Variants in L3MBTL4 observed in about 807,000 individuals in gnomAD.
The protein encoded by L3MBTL4 is lethal(3)malignant brain tumor-like protein 4.
A neutral mutation model predicts 84.5 loss-of-function variants in L3MBTL4; 70 were observed. The ratio of observed to expected loss-of-function variants is 0.83; its 90% CI spans 0.68 to 1.01. The LOEUF is 1.01. L3MBTL4 is among the 50% of genes least tolerant of loss of function. The pLI is 0.00. For missense variants in L3MBTL4, 715 were observed against 754.8 expected (o/e 0.95, Z 0.62); for synonymous variants, 274 against 259.8 (o/e 1.05, Z -0.52).
intron 13 of L3MBTL4, among the ~76,000 whole-genome samples, chr18:6,170,037 C>A (rs1034901685): frequency 6.6e-6 from 1 of 152,046 alleles, no homozygotes; most frequent in African/African-American, 2.4e-5. Context: ...TGAATTCTAT[C>A]CATTCATTTA....
At chr18:6,196,405 C>T (rs569572520) in intron 12 of L3MBTL4, among the ~76,000 whole-genome samples, 38 of 152,234 alleles carry the variant, frequency 2.5e-4, no homozygotes, top group African/African-American at 8.4e-4. Flanking sequence ...GATCTGCCCA[C>T]CCTGGCCTCC....
chr18:6,281,889 G>C (rs2049336552), intron 4 of L3MBTL4, among the ~76,000 whole-genome samples: 1 of 152,180 alleles, frequency 6.6e-6, no homozygotes, highest in African/African-American at 2.4e-5. Context: ...ACTGGCTTTA[G>C]ATAACTTGAT....
chr18:6,016,816 C>T (rs546688339), intron 16 of L3MBTL4, among the ~76,000 whole-genome samples: 2 of 152,254 alleles, frequency 1.3e-5, no homozygotes, highest in South Asian at 2.1e-4. Context: ...GATAGCTGAA[C>T]GGAGACCTGA....
intron 16 of L3MBTL4, among the ~76,000 whole-genome samples, chr18:6,026,220 A>C (rs1277989978): frequency 1.3e-5 from 2 of 152,240 alleles, no homozygotes; most frequent in South Asian, 2.1e-4. Flanking sequence ...GGTGTCCTAG[A>C]TTAGAAGAAA....
chr18:6,333,552 C>A (rs530030281), intron 1 of L3MBTL4, among the ~76,000 whole-genome samples: 2 of 140,330 alleles, frequency 1.4e-5, no homozygotes, highest in African/African-American at 5.4e-5. Flanking sequence ...TCCAGCCTGG[C>A]GACAAAGTGA....
chr18:6,269,188 C>T (rs924094918), intron 4 of L3MBTL4, among the ~76,000 whole-genome samples: 3 of 152,148 alleles, frequency 2.0e-5, no homozygotes, highest in African/African-American at 4.8e-5. Context: ...AGTTGCCAGG[C>T]GCGGTGGCTC....
intron 1 of L3MBTL4, among the ~76,000 whole-genome samples, chr18:6,354,072 C>T (rs2053324599): frequency 6.6e-6 from 1 of 152,054 alleles, no homozygotes; most frequent in Admixed American, 6.6e-5. Context: ...AAGGGACTGG[C>T]TCTGAAAAAG....
At chr18:6,299,052 T>C (rs960484702) in intron 4 of L3MBTL4, among the ~76,000 whole-genome samples, 13 of 152,202 alleles carry the variant, frequency 8.5e-5, no homozygotes, top group African/African-American at 3.1e-4. Context: ...TAAAGGCATA[T>C]AGGTCTGGGA....
At chr18:5,976,060 T>C (rs1453363254) in intron 16 of L3MBTL4, among the ~76,000 whole-genome samples, 2 of 152,118 alleles carry the variant, frequency 1.3e-5, no homozygotes, top group Non-Finnish European at 2.9e-5. Flanking sequence ...TCGAGAGGGT[T>C]AGAAGTTGAA....
chr18:6,258,467 T>C (rs2048253571), intron 5 of L3MBTL4, among the ~76,000 whole-genome samples: 1 of 152,128 alleles, frequency 6.6e-6, no homozygotes, highest in African/African-American at 2.4e-5. Context: ...CTGAAGATCC[T>C]GGCAAGAGAA....
intron 3 of L3MBTL4, among the ~76,000 whole-genome samples, chr18:6,303,127 T>G (rs1040017432): frequency 6.6e-6 from 1 of 151,950 alleles, no homozygotes; most frequent in African/African-American, 2.4e-5. Context: ...TTTTTTGGGG[T>G]TTTTTTGTCT....
chr18:6,193,121 A>G (rs1378617733), intron 12 of L3MBTL4, among the ~76,000 whole-genome samples: 1 of 152,078 alleles, frequency 6.6e-6, no homozygotes, highest in Non-Finnish European at 1.5e-5. Flanking sequence ...TTAATGGCCC[A>G]CAACAGGGGT....
At chr18:6,132,475 A>T (rs1309709723) in intron 14 of L3MBTL4, among the ~76,000 whole-genome samples, 1 of 152,202 alleles carries the variant, frequency 6.6e-6, no homozygotes, top group African/African-American at 2.4e-5. Flanking sequence ...AGCCCTGAGC[A>T]TGTGTGAGGC....
chr18:6,331,407 C>T (rs1275811729), intron 1 of L3MBTL4, among the ~76,000 whole-genome samples: 1 of 151,966 alleles, frequency 6.6e-6, no homozygotes, highest in Non-Finnish European at 1.5e-5. Flanking sequence ...GCAGAAAGCT[C>T]AAATCAATTA....
intron 13 of L3MBTL4, among the ~76,000 whole-genome samples, chr18:6,166,887 A>C (rs929248820): frequency 6.6e-6 from 1 of 152,222 alleles, no homozygotes; most frequent in Non-Finnish European, 1.5e-5. Context: ...TGAATCCAGG[A>C]GCTGGATTTT....
chr18:6,268,378 G>C (rs904737427), intron 4 of L3MBTL4, among the ~76,000 whole-genome samples: 5 of 152,126 alleles, frequency 3.3e-5, no homozygotes, highest in African/African-American at 9.7e-5. Flanking sequence ...TTGCACTCCA[G>C]CCTGGGCAAT....
intron 1 of L3MBTL4, among the ~76,000 whole-genome samples, chr18:6,354,647 G>A (rs1371504334): frequency 6.6e-6 from 1 of 152,082 alleles, no homozygotes; most frequent in Non-Finnish European, 1.5e-5. Flanking sequence ...CTCAAAAGAA[G>A]ACATACAAAT....
At chr18:6,218,290 A>G (rs2046407341) in intron 10 of L3MBTL4, among the ~76,000 whole-genome samples, 1 of 152,098 alleles carries the variant, frequency 6.6e-6, no homozygotes, top group East Asian at 1.9e-4. Context: ...CTCTGCATTT[A>G]CTTTTATAGC....
chr18:6,192,145 C>T (rs575958052), intron 12 of L3MBTL4, among the ~76,000 whole-genome samples: 51 of 152,238 alleles, frequency 3.4e-4, no homozygotes, highest in African/African-American at 1.2e-3. Flanking sequence ...GCCCTGGAAG[C>T]CACGTGAAGA....
Sources: allele counts gnomAD v4.1 joint callset (sites outside exome capture counted in the v4.1 genomes callset), GRCh38; gene constraint gnomAD v4.1.1; transcripts MANE v1.5; gene names NCBI Gene and HGNC (gene_info 2026-07-23, HGNC 2026-07-21).